TSGA10: variants seen among roughly 807,000 people sequenced by gnomAD.
The protein encoded by TSGA10 is testis specific 10, also known as testis-specific gene 10 protein.
TSGA10 carries 43 observed loss-of-function variants against 96.6 expected under a neutral mutation model. The observed-to-expected ratio is 0.44, with a 90% CI of 0.35 to 0.57. The LOEUF (loss-of-function observed/expected upper bound fraction) is 0.57. Ranked by LOEUF, TSGA10 falls within the 20% of genes least tolerant of loss-of-function variation. The probability of loss-of-function intolerance (pLI) is 0.01; values close to 1 mark genes in which losing one functional copy is unlikely to be tolerated. For synonymous variants in TSGA10, 229 were observed against 269.9 expected (o/e 0.85, Z 1.48); for missense variants, 703 against 834.4 (o/e 0.84, Z 1.94).
intron 1 of TSGA10, chr2:99,148,317 G>A (rs984101584): frequency 2.0e-5 from 3 of 152,126 alleles, no homozygotes; most frequent in Non-Finnish European, 4.4e-5. Flanking sequence ...TTCCTTTGAT[G>A]AGGAAGAAAA....
intron 4 of TSGA10, among the ~76,000 whole-genome samples, chr2:99,114,839 A>G (rs745790756): frequency 6.6e-6 from 1 of 152,232 alleles, no homozygotes; most frequent in Non-Finnish European, 1.5e-5. Context: ...GTTGGAATTC[A>G]GTCAACTTGG....
intron 16 of TSGA10, among the ~76,000 whole-genome samples, chr2:99,062,142 T>C (rs1319422820): frequency 6.6e-6 from 1 of 152,178 alleles, no homozygotes; most frequent in East Asian, 1.9e-4. Flanking sequence ...AATACAAATA[T>C]AGTAAGGATT....
intron 7 of TSGA10, among the ~76,000 whole-genome samples, chr2:99,106,703 C>T (rs2091383236): frequency 6.8e-6 from 1 of 146,884 alleles, no homozygotes; most frequent in Admixed American, 6.9e-5. Flanking sequence ...TTCTCAGTTC[C>T]TGTTCTCCTT....
At chr2:99,006,212 C>T (rs1351727379) in intron 20 of TSGA10, among the ~76,000 whole-genome samples, 1 of 152,190 alleles carries the variant, frequency 6.6e-6, no homozygotes, top group African/African-American at 2.4e-5. Context: ...CTAGGCAATA[C>T]CGTTCAGGAC....
At chr2:99,093,758 C>G (rs1169035252) in intron 10 of TSGA10, among the ~76,000 whole-genome samples, 3 of 151,946 alleles carry the variant, frequency 2.0e-5, no homozygotes, top group Non-Finnish European at 4.4e-5. Context: ...ACAGACGACA[C>G]AAACAAATGG....
chr2:99,139,260 CA>C (rs199756866), intron 1 of TSGA10, among the ~76,000 whole-genome samples: 21 of 143,656 alleles, frequency 1.5e-4, no homozygotes, highest in Non-Finnish European at 2.1e-4. Context: ...GATCATGTCT[CA>C]AAAAAAAAAG....
intron 1 of TSGA10, chr2:99,147,493 G>A: frequency 6.2e-7 from 1 of 1,613,876 alleles, no homozygotes; most frequent in South Asian, 1.1e-5. Flanking sequence ...GGGAAGTTAA[G>A]GTAAGACTCA....
At chr2:99,008,294 T>C (rs1558703871) in intron 20 of TSGA10, among the ~76,000 whole-genome samples, 1 of 152,186 alleles carries the variant, frequency 6.6e-6, no homozygotes, top group Non-Finnish European at 1.5e-5. Flanking sequence ...TGGTAGCATA[T>C]ATCACCAATA....
At chr2:99,146,288 T>C (rs759358666) in intron 1 of TSGA10, among the ~76,000 whole-genome samples, 28 of 152,224 alleles carry the variant, frequency 1.8e-4, no homozygotes, top group Non-Finnish European at 2.8e-4. Flanking sequence ...TTCCTCAATC[T>C]GTGAATTATG....
chr2:99,067,412 C>T (rs1273559126), intron 15 of TSGA10, among the ~76,000 whole-genome samples: 4 of 152,166 alleles, frequency 2.6e-5, no homozygotes, highest in African/African-American at 9.7e-5. Flanking sequence ...ATCACTTGAG[C>T]CTAAGAAGCT....
intron 12 of TSGA10, among the ~76,000 whole-genome samples, chr2:99,074,014 T>C (rs1008469585): frequency 7.9e-6 from 1 of 126,604 alleles, no homozygotes; most frequent in African/African-American, 3.1e-5. Flanking sequence ...TTTTTTTTTT[T>C]TTTTTTTTTT....
intron 15 of TSGA10, among the ~76,000 whole-genome samples, 181 bp from the exon 16 acceptor site, chr2:99,065,305 A>G (rs1181337095): frequency 2.0e-5 from 3 of 152,208 alleles, no homozygotes; most frequent in Non-Finnish European, 4.4e-5. Flanking sequence ...AAAGACTGCA[A>G]TCAGCATCTG....
chr2:99,039,988 T>C (rs1027905551), intron 16 of TSGA10, among the ~76,000 whole-genome samples: 6 of 152,180 alleles, frequency 3.9e-5, no homozygotes, highest in Admixed American at 2.6e-4. Context: ...ATAAATATGA[T>C]AGACCACATA....
intron 20 of TSGA10, among the ~76,000 whole-genome samples, chr2:99,006,719 T>C (rs1394362993): frequency 2.0e-5 from 3 of 152,284 alleles, no homozygotes; most frequent in East Asian, 1.9e-4. Context: ...AGTTCAACCA[T>C]TGTGGAAGTC....
Position 99,068,930 on chromosome 2 carries a change from A to C in TSGA10, c.1176T>G (p.Thr392=). 1 of 1,467,522 alleles carries C rather than the reference A, an allele frequency of 6.8e-7. No homozygotes were observed. Among genetic ancestry groups the C allele is most frequent in the Non-Finnish European group, 9.0e-7 (1 of 1,113,446 alleles). 90.9% of individuals were successfully genotyped at this position (1,467,522 alleles called of 1,614,324 possible). ...TCTTCAGCTTGTTAACCTCCAAATT[A>C]GTATCTTGAACCTTCTGTTTTATGT... ...LNDIKQKVQD[T]NLEVNKLKNI... The change falls in exon 15 of 21, where the codon ACT becomes ACG. Residue 392 remains threonine (T), a synonymous_variant. Transcript: ENST00000393483.
chr2:99,045,874 C>T (rs150575124), intron 16 of TSGA10, among the ~76,000 whole-genome samples: 32 of 151,662 alleles, frequency 2.1e-4, no homozygotes, highest in Admixed American at 1.1e-3. Flanking sequence ...TCAAAATAAA[C>T]GGACGGAGGA....
chr2:99,004,279 C>T (rs1017953377), intron 20 of TSGA10, among the ~76,000 whole-genome samples: 3 of 152,058 alleles, frequency 2.0e-5, no homozygotes, highest in African/African-American at 4.8e-5. Context: ...AGACCAATAA[C>T]AGGCTCTGAA....
intron 10 of TSGA10, among the ~76,000 whole-genome samples, chr2:99,101,080 C>T (rs528747374): frequency 2.5e-4 from 37 of 149,426 alleles, no homozygotes; most frequent in Admixed American, 2.7e-4. Context: ...TGGCTAACAC[C>T]GTGAAACCCC....
chr2:99,035,385 C>T lies in TSGA10; in HGVS notation c.1459G>A (p.Val487Ile), dbSNP rs758611700. The T allele has an allele frequency of 6.2e-7, 1 of 1,612,922 alleles. No individual in the cohort carries two copies. Among genetic ancestry groups the T allele is most frequent in the Non-Finnish European group, 8.5e-7 (1 of 1,179,338 alleles). Residue 487 changes from valine (V) to isoleucine (I), a missense_variant, in exon 17 of 21, where the codon GTT becomes ATT. Val to Ile is a conservative substitution (Grantham distance 29, BLOSUM62 3). Coordinates refer to ENST00000393483, the MANE Select transcript of TSGA10 (RefSeq NM_025244.4). ...TGAAGCTCCTCTTCCATTTTTACAA[C>T]AGATTTATGTAAGGTAGAAATCTGG... is the stretch of plus-strand genomic sequence containing the variant. ...KSQISTLHKSVVKMEEELQKV... is the reference protein window; with the variant it reads ...KSQISTLHKSIVKMEEELQKV...
Sources: allele counts gnomAD v4.1 joint callset (sites outside exome capture counted in the v4.1 genomes callset), GRCh38; gene constraint gnomAD v4.1.1; transcripts MANE v1.5; gene names NCBI Gene and HGNC (gene_info 2026-07-23, HGNC 2026-07-21).